LOC128092252: variants seen among roughly 807,000 people sequenced by gnomAD.
chr15:50,683,719 C>CA, the LOC128092252 span, among the ~76,000 whole-genome samples: 83 of 150,620 alleles, frequency 5.5e-4, no homozygotes, highest in Admixed American at 3.7e-3. Flanking sequence ...GACTCTGTTC[C>CA]AAAAAAAACA....
the LOC128092252 span, among the ~76,000 whole-genome samples, chr15:50,685,457 A>AAAAC: frequency 1.3e-5 from 2 of 152,384 alleles, no homozygotes; most frequent in African/African-American, 2.4e-5. Context: ...ACCCTGTCTC[A>AAAAC]AAACAAACAA....
At chr15:50,686,384 G>C in the LOC128092252 span, 1 of 1,363,616 alleles carries the variant, frequency 7.3e-7, no homozygotes, top group Non-Finnish European at 1.0e-6. Flanking sequence ...CACCCGTCCC[G>C]AGAGGACAAA....
the LOC128092252 span, among the ~76,000 whole-genome samples, chr15:50,673,740 C>T: frequency 1.3e-5 from 2 of 152,056 alleles, no homozygotes; most frequent in Admixed American, 6.6e-5. Flanking sequence ...TATAAACATG[C>T]GTACGCAAGT....
chr15:50,678,647 A>G, the LOC128092252 span, among the ~76,000 whole-genome samples: 4 of 151,880 alleles, frequency 2.6e-5, no homozygotes, highest in Non-Finnish European at 5.9e-5. Flanking sequence ...TATTACTGAC[A>G]TTTTAGATAC....
chr15:50,660,309 T>C, the LOC128092252 span, among the ~76,000 whole-genome samples: 6 of 152,114 alleles, frequency 3.9e-5, no homozygotes, highest in Non-Finnish European at 5.9e-5. Flanking sequence ...AAACATAAAA[T>C]ATTTTCTCAA....
the LOC128092252 span, among the ~76,000 whole-genome samples, chr15:50,649,437 CAAA>C: frequency 5.4e-5 from 5 of 92,770 alleles, no homozygotes; most frequent in Admixed American, 9.9e-5. Context: ...GACCCCAACT[CAAA>C]AAAAAAAAAA....
chr15:50,679,531 TATATATA>T, the LOC128092252 span, among the ~76,000 whole-genome samples: 87 of 53,316 alleles, frequency 1.6e-3, 1 homozygote, highest in South Asian at 0.012. Flanking sequence ...TATATATATA[TATATATA>T]TTTTTTTTTT....
the LOC128092252 span, among the ~76,000 whole-genome samples, chr15:50,682,478 A>G: frequency 6.6e-6 from 1 of 151,990 alleles, no homozygotes; most frequent in African/African-American, 2.4e-5. Context: ...CTAGAGGCTG[A>G]GGCAGGAGAA....
At chr15:50,686,562 C>T in the LOC128092252 span, 1 of 1,609,444 alleles carries the variant, frequency 6.2e-7, no homozygotes, top group East Asian at 2.3e-5. Context: ...TCCGGAAGGG[C>T]AGCAACTCCA....
the LOC128092252 span, among the ~76,000 whole-genome samples, chr15:50,661,161 G>C: frequency 6.6e-6 from 1 of 151,956 alleles, no homozygotes; most frequent in Non-Finnish European, 1.5e-5. Context: ...ATTTTTAGTA[G>C]AGACAGTGTT....
chr15:50,668,871 A>C, the LOC128092252 span, among the ~76,000 whole-genome samples: 1 of 152,130 alleles, frequency 6.6e-6, no homozygotes, highest in Admixed American at 6.6e-5. Context: ...ACACAATTGG[A>C]GAAACTGGTT....
chr15:50,673,384 C>A, the LOC128092252 span, among the ~76,000 whole-genome samples: 1 of 152,292 alleles, frequency 6.6e-6, no homozygotes, highest in South Asian at 2.1e-4. Flanking sequence ...CCGGTACACA[C>A]TGCACCCTAT....
the LOC128092252 span, among the ~76,000 whole-genome samples, chr15:50,656,400 A>G: frequency 3.9e-5 from 6 of 152,042 alleles, no homozygotes; most frequent in East Asian, 1.9e-4. Flanking sequence ...CCCAGGCCCA[A>G]ACGATCCTCC....
At chr15:50,663,180 G>C in the LOC128092252 span, 1 of 650,072 alleles carries the variant, frequency 1.5e-6, no homozygotes, top group Non-Finnish European at 2.6e-6. Context: ...CCAGACTGGA[G>C]AGCAATGGTG....
chr15:50,668,743 A>C, the LOC128092252 span, among the ~76,000 whole-genome samples: 1 of 152,172 alleles, frequency 6.6e-6, no homozygotes, highest in East Asian at 1.9e-4. Context: ...CCTGACATCA[A>C]GTGATTCACC....
At chr15:50,655,000 C>CAAAAAAAA in the LOC128092252 span, among the ~76,000 whole-genome samples, 1 of 69,446 alleles carries the variant, frequency 1.4e-5, no homozygotes, top group Non-Finnish European at 2.7e-5. Flanking sequence ...CACTCCGTCT[C>CAAAAAAAA]AAAAAAAAAA....
the LOC128092252 span, among the ~76,000 whole-genome samples, chr15:50,659,606 A>C: frequency 6.6e-6 from 1 of 152,132 alleles, no homozygotes; most frequent in African/African-American, 2.4e-5. Context: ...TGCTTTTATT[A>C]TTTCTATTGC....
the LOC128092252 span, among the ~76,000 whole-genome samples, chr15:50,667,661 T>C: frequency 6.6e-6 from 1 of 152,106 alleles, no homozygotes; most frequent in African/African-American, 2.4e-5. Flanking sequence ...GAGCCAAGAC[T>C]GTGCCACTGC....
chr15:50,658,358 A>G, the LOC128092252 span, among the ~76,000 whole-genome samples: 1 of 151,886 alleles, frequency 6.6e-6, no homozygotes, highest in Non-Finnish European at 1.5e-5. Context: ...GAATTGCTTG[A>G]GTCCAGGAGT....
Sources: allele counts gnomAD v4.1 joint callset (sites outside exome capture counted in the v4.1 genomes callset), GRCh38; gene constraint gnomAD v4.1.1; transcripts MANE v1.5.